CCDC148: variants seen among roughly 807,000 people sequenced by gnomAD.
The protein encoded by CCDC148 is coiled-coil domain-containing protein 148.
In CCDC148, 89 loss-of-function variants were observed where a neutral mutation model predicts 85.7. The ratio of observed to expected loss-of-function variants is 1.04; its 90% CI spans 0.87 to 1.24. CCDC148 has a LOEUF of 1.24. Ranked by LOEUF, CCDC148 falls within the 50% of genes most tolerant of loss-of-function variation. CCDC148 has a pLI of 0.00. For synonymous variants in CCDC148, 230 were observed against 213.9 expected (o/e 1.08, Z -0.66); for missense variants, 692 against 671.7 (o/e 1.03, Z -0.33).
At chr2:158,254,985 CAAAA>C (rs58809618) in intron 9 of CCDC148, among the ~76,000 whole-genome samples, 48 of 131,126 alleles carry the variant, frequency 3.7e-4, no homozygotes, top group Non-Finnish European at 6.3e-4. Flanking sequence ...TTCTTTTCTC[CAAAA>C]AAAAAAAAAA....
intron 1 of CCDC148, among the ~76,000 whole-genome samples, chr2:158,421,116 T>C (rs532868940): frequency 2.5e-4 from 38 of 152,276 alleles, no homozygotes; most frequent in African/African-American, 9.1e-4. Flanking sequence ...CAAAGAGACT[T>C]AGACTCCCAC....
intron 1 of CCDC148, among the ~76,000 whole-genome samples, chr2:158,410,390 T>C (rs564675696): frequency 6.6e-6 from 1 of 152,294 alleles, no homozygotes; most frequent in East Asian, 1.9e-4. Flanking sequence ...ATTGTCATTT[T>C]GTTAGTTGTT....
At chr2:158,297,297 CT>C (rs1459804006) in intron 9 of CCDC148, among the ~76,000 whole-genome samples, 8 of 152,170 alleles carry the variant, frequency 5.3e-5, no homozygotes, top group Non-Finnish European at 1.0e-4. Context: ...CAAATACCCC[CT>C]AAATGACGTC....
intron 10 of CCDC148, among the ~76,000 whole-genome samples, chr2:158,233,057 TA>T (rs1687930161): frequency 6.6e-6 from 1 of 152,112 alleles, no homozygotes; most frequent in African/African-American, 2.4e-5. Context: ...ATGTTTGAGG[TA>T]ATGGATATCC....
At chr2:158,453,007 T>C (rs1436457615) in intron 1 of CCDC148, among the ~76,000 whole-genome samples, 4 of 152,244 alleles carry the variant, frequency 2.6e-5, no homozygotes, top group Non-Finnish European at 5.9e-5. Context: ...TTCCACATTG[T>C]ACAGCTAATC....
At position 158,327,871 on chromosome 2, in the gene CCDC148, A is replaced by C. The variant is rs570628381; in HGVS notation, c.764+10855T>G. Among the ~76,000 whole-genome samples, 8 of 152,238 alleles carry C rather than the reference A, an allele frequency of 5.3e-5. No homozygotes were observed. The South Asian group carries it at 6.2e-4, about 12-fold the overall frequency. On this transcript the variant is annotated intron_variant, in intron 7 of 13. Coordinates refer to ENST00000283233, the MANE Select transcript of CCDC148 (RefSeq NM_138803.4). Reference sequence around the variant, plus strand: ...ATCTTTTACATTTCTTGTTAAATTAATTCCCAAATATTCTATATTTAGAAT... The same window carrying C: ...ATCTTTTACATTTCTTGTTAAATTACTTCCCAAATATTCTATATTTAGAAT...
chr2:158,305,007 C>T (rs1338302637), intron 9 of CCDC148, among the ~76,000 whole-genome samples: 1 of 152,160 alleles, frequency 6.6e-6, no homozygotes, highest in Non-Finnish European at 1.5e-5. Context: ...CACCCACTCT[C>T]AGGCTTTTCT....
intron 11 of CCDC148, among the ~76,000 whole-genome samples, chr2:158,215,480 G>A (rs1388028828): frequency 1.3e-5 from 2 of 151,796 alleles, no homozygotes; most frequent in Non-Finnish European, 2.9e-5. Flanking sequence ...TTCGTAATTT[G>A]TCCACTTGTA....
chr2:158,414,615 G>A (rs1446695137), intron 1 of CCDC148, among the ~76,000 whole-genome samples: 1 of 152,132 alleles, frequency 6.6e-6, no homozygotes, highest in Admixed American at 6.5e-5. Flanking sequence ...GGCACTATAT[G>A]AGGAGCTTTC....
At chr2:158,369,191 T>C (rs1053719823) in intron 1 of CCDC148, among the ~76,000 whole-genome samples, 8 of 152,304 alleles carry the variant, frequency 5.3e-5, no homozygotes, top group Non-Finnish European at 1.0e-4. Flanking sequence ...AAAGTAGTTT[T>C]TTTTCTAATT....
At chr2:158,363,065 A>G (rs1336390171) in intron 1 of CCDC148, among the ~76,000 whole-genome samples, 1 of 152,236 alleles carries the variant, frequency 6.6e-6, no homozygotes, top group Non-Finnish European at 1.5e-5. Context: ...TAGAAAATCT[A>G]GAAGAAATGG....
At chr2:158,195,544 C>T (rs1235702576) in intron 11 of CCDC148, among the ~76,000 whole-genome samples, 2 of 152,120 alleles carry the variant, frequency 1.3e-5, no homozygotes, top group East Asian at 3.9e-4. Context: ...ATTAAGGCTC[C>T]TGTCAAAAAT....
At chr2:158,410,745 C>T (rs6437172) in intron 1 of CCDC148, among the ~76,000 whole-genome samples, 5,307 of 152,178 alleles carry the variant, frequency 0.035, 342 homozygotes, top group African/African-American at 0.12. Flanking sequence ...AATTTACACA[C>T]TACCATTATG....
At chr2:158,367,523 G>C (rs1034627835) in intron 1 of CCDC148, among the ~76,000 whole-genome samples, 1 of 151,994 alleles carries the variant, frequency 6.6e-6, no homozygotes, top group African/African-American at 2.4e-5. Flanking sequence ...ATTCCCTTTT[G>C]GCTACCTTGG....
chr2:158,213,704 C>T (rs1686696110), intron 11 of CCDC148, among the ~76,000 whole-genome samples: 1 of 152,176 alleles, frequency 6.6e-6, no homozygotes, highest in Non-Finnish European at 1.5e-5. Context: ...CATATCCTAG[C>T]TTTCTACTCC....
At chr2:158,237,132 G>A (rs1475267769) in intron 10 of CCDC148, among the ~76,000 whole-genome samples, 3 of 152,254 alleles carry the variant, frequency 2.0e-5, no homozygotes, top group South Asian at 2.1e-4. Context: ...ACATATGCTC[G>A]AGTGTTCATG....
At chr2:158,195,278 G>A (rs1685616220) in intron 11 of CCDC148, among the ~76,000 whole-genome samples, 1 of 151,702 alleles carries the variant, frequency 6.6e-6, no homozygotes, top group South Asian at 2.1e-4. Flanking sequence ...ATATTCATTG[G>A]CTTATATTAT....
rs763523827 is a variant in CCDC148, at chr2:158,338,881, CT to C, written c.608del (p.Lys203ArgfsTer12). ...IKILDHSLEEKTNPLSELPIE... is the reference protein window; with the variant it reads ...IKILDHSLEEXTNPLSELPIE... ...TGGGCAGTTCACTAAGCGGGTTAGT[CT>C]TTTCTTCCAAAGAATGATCTAGAAT... On this transcript the variant is annotated frameshift_variant, in exon 7 of 14. Coordinates refer to ENST00000283233, the MANE Select transcript of CCDC148 (RefSeq NM_138803.4). LOFTEE classifies it high-confidence loss of function. 1.3e-5 allele frequency: 21 copies of C among 1,606,748 alleles called. No homozygotes were observed. The highest frequency in any genetic ancestry group is 1.8e-5 in the Non-Finnish European group (21 of 1,178,146).
At chr2:158,206,517 G>T (rs1225226309) in intron 11 of CCDC148, among the ~76,000 whole-genome samples, 1 of 152,196 alleles carries the variant, frequency 6.6e-6, no homozygotes, top group African/African-American at 2.4e-5. Flanking sequence ...CCCTGAAAGG[G>T]GATGGAGGAG....
Sources: gnomAD v4.1 joint callset for allele counts (sites outside exome capture counted in the v4.1 genomes callset) on GRCh38, gnomAD v4.1.1 for gene constraint, MANE v1.5 for transcripts, NCBI Gene and HGNC (gene_info 2026-07-23, HGNC 2026-07-21) for gene names.